Variants in SEMA5A observed in about 807,000 individuals in gnomAD.
The protein encoded by SEMA5A is semaphorin-5A.
In SEMA5A, 55 loss-of-function variants were observed where a neutral mutation model predicts 135.5. The ratio of observed to expected loss-of-function variants is 0.41; its 90% CI spans 0.33 to 0.51. The LOEUF (loss-of-function observed/expected upper bound fraction) is 0.51, where lower values mean the gene tolerates loss of function less well. SEMA5A is among the 20% of genes least tolerant of loss of function. The probability of loss-of-function intolerance (pLI) is 0.37; values close to 1 mark genes in which losing one functional copy is unlikely to be tolerated. For synonymous variants in SEMA5A, 580 were observed against 546.5 expected, an observed-to-expected ratio of 1.06 and a Z score of -0.85; for missense variants, 1,290 against 1,419.9, an observed-to-expected ratio of 0.91 and a Z score of 1.47.
chr5:9,519,690 G>T (rs1736712606), intron 1 of SEMA5A, among the ~76,000 whole-genome samples: 3 of 152,206 alleles, frequency 2.0e-5, no homozygotes, highest in Non-Finnish European at 4.4e-5. Flanking sequence ...TAACTGTGAA[G>T]TATTACGAAA....
At chr5:9,343,463 G>A (rs900640943) in intron 3 of SEMA5A, among the ~76,000 whole-genome samples, 1 of 152,112 alleles carries the variant, frequency 6.6e-6, no homozygotes, top group East Asian at 1.9e-4. Flanking sequence ...GAGCAGCACA[G>A]GAAAAGAAGT....
At chr5:9,305,734 G>GCACA (rs111746284) in intron 5 of SEMA5A, among the ~76,000 whole-genome samples, 3,796 of 142,514 alleles carry the variant, frequency 0.027, 167 homozygotes, top group African/African-American at 0.088. Flanking sequence ...ATATTTACAC[G>GCACA]CACACACACA....
intron 15 of SEMA5A, among the ~76,000 whole-genome samples, chr5:9,114,229 T>C (rs1401071636): frequency 6.6e-6 from 1 of 152,200 alleles, no homozygotes; most frequent in Non-Finnish European, 1.5e-5. Flanking sequence ...ATTCCACTTA[T>C]GTGACATATC....
chr5:9,144,454 G>A (rs1742222538), intron 12 of SEMA5A, among the ~76,000 whole-genome samples: 1 of 152,204 alleles, frequency 6.6e-6, no homozygotes, highest in Admixed American at 6.5e-5. Flanking sequence ...CTGCAATTGA[G>A]TGGAAGAGGT....
intron 1 of SEMA5A, among the ~76,000 whole-genome samples, chr5:9,448,443 T>A (rs911673831): frequency 6.6e-6 from 1 of 152,196 alleles, no homozygotes; most frequent in Non-Finnish European, 1.5e-5. Context: ...AGCAGGGAGT[T>A]AGCCCCGCCC....
intron 13 of SEMA5A, among the ~76,000 whole-genome samples, chr5:9,130,677 C>T (rs1741360183): frequency 2.0e-5 from 3 of 152,186 alleles, no homozygotes; most frequent in Admixed American, 2.0e-4. Context: ...ACGTTCCAGA[C>T]ATACAAGTAA....
rs181348196 is a variant in SEMA5A, at chr5:9,455,413, G to T, written c.-174-17561C>A. On this transcript the variant is annotated intron_variant, in intron 1 of 22. Coordinates refer to ENST00000382496, the MANE Select transcript of SEMA5A (RefSeq NM_003966.3). Reference sequence around the variant, plus strand: ...TGGGACTGCAGTCACTCGCCACCATGCCCAGCTAATTTTTTTGTATTTTTA... The same window carrying T: ...TGGGACTGCAGTCACTCGCCACCATTCCCAGCTAATTTTTTTGTATTTTTA... Among the ~76,000 whole-genome samples the T allele has an allele frequency of 2.1e-3, 313 of 151,902 alleles. 2 individuals carry two copies. Among genetic ancestry groups the T allele is most frequent in the African/African-American group, 7.2e-3 (299 of 41,420 alleles).
rs201196433 is a variant in SEMA5A, at chr5:9,472,801, T to C, written c.-174-34949A>G. Reference sequence around the variant, plus strand: ...CAGATAATCATCACTATCATTTTGATGCATTTCTTTCTAATCTTTATTCAA... The same window carrying C: ...CAGATAATCATCACTATCATTTTGACGCATTTCTTTCTAATCTTTATTCAA... On this transcript the variant is annotated intron_variant, in intron 1 of 22. Transcript: ENST00000382496. Among the ~76,000 whole-genome samples the C allele has an allele frequency of 1.1e-4, 17 of 152,038 alleles. No individual in the cohort carries two copies. The East Asian group carries it at 1.7e-3, about 16-fold the overall frequency.
chr5:9,101,167 T>A (rs1451552811), intron 16 of SEMA5A, among the ~76,000 whole-genome samples: 1 of 152,228 alleles, frequency 6.6e-6, no homozygotes, highest in East Asian at 1.9e-4. Context: ...TTTAGCTAGA[T>A]ACAACAAACT....
At chr5:9,227,589 C>T (rs985957726) in intron 6 of SEMA5A, among the ~76,000 whole-genome samples, 12 of 140,454 alleles carry the variant, frequency 8.5e-5, no homozygotes, top group African/African-American at 8.0e-5. Context: ...CTCGCTCTGT[C>T]GCCCAGGCTG....
At chr5:9,126,260 C>A (rs1030246884) in intron 13 of SEMA5A, among the ~76,000 whole-genome samples, 6 of 152,076 alleles carry the variant, frequency 3.9e-5, no homozygotes, top group South Asian at 4.1e-4. Context: ...GTGGCTGGAG[C>A]AATCCTTAGT....
chr5:9,164,937 T>C (rs1355012434), intron 11 of SEMA5A, among the ~76,000 whole-genome samples: 2 of 152,200 alleles, frequency 1.3e-5, no homozygotes, highest in African/African-American at 4.8e-5. Context: ...GAATCCAATA[T>C]AATATTTACC....
chr5:9,394,051 A>C (rs896648581), intron 2 of SEMA5A, among the ~76,000 whole-genome samples: 1 of 152,208 alleles, frequency 6.6e-6, no homozygotes, highest in Non-Finnish European at 1.5e-5. Flanking sequence ...ACAATTAAAC[A>C]ATATTTTGAA....
chr5:9,063,154 A>C, intron 17 of SEMA5A, 49 bp from the exon 18 acceptor site: 1 of 1,520,208 alleles, frequency 6.6e-7, no homozygotes, highest in African/African-American at 1.4e-5. Flanking sequence ...TTTCAGAGGA[A>C]CTACAGTCCA....
intron 5 of SEMA5A, among the ~76,000 whole-genome samples, chr5:9,313,653 C>A (rs1752243443): frequency 6.6e-6 from 1 of 152,136 alleles, no homozygotes; most frequent in Admixed American, 6.6e-5. Flanking sequence ...ACAATAAGTA[C>A]TAGTCAGAAG....
chr5:9,085,461 C>T (rs1225781023), intron 16 of SEMA5A, among the ~76,000 whole-genome samples: 2 of 152,164 alleles, frequency 1.3e-5, no homozygotes, highest in Non-Finnish European at 2.9e-5. Flanking sequence ...CTAGCCATGG[C>T]TGAAAGGGGC....
chr5:9,342,753 T>C (rs141484711), intron 3 of SEMA5A, among the ~76,000 whole-genome samples: 2 of 152,204 alleles, frequency 1.3e-5, no homozygotes, highest in Non-Finnish European at 2.9e-5. Flanking sequence ...TTCTATCTTA[T>C]CCACTTTATA....
chr5:9,355,481 T>C (rs1754400060), intron 3 of SEMA5A, among the ~76,000 whole-genome samples: 1 of 152,084 alleles, frequency 6.6e-6, no homozygotes, highest in African/African-American at 2.4e-5. Context: ...AAACTGAGGA[T>C]AACACCCGAG....
At chr5:9,436,455 C>T (rs1368539702) in intron 2 of SEMA5A, among the ~76,000 whole-genome samples, 1 of 151,832 alleles carries the variant, frequency 6.6e-6, no homozygotes, top group Admixed American at 6.6e-5. Context: ...GAGAACCTCT[C>T]GTCTCAGCTG....
Sources: allele counts gnomAD v4.1 joint callset (sites outside exome capture counted in the v4.1 genomes callset), GRCh38; gene constraint gnomAD v4.1.1; transcripts MANE v1.5; gene names NCBI Gene and HGNC (gene_info 2026-07-23, HGNC 2026-07-21).